Variants in GALNT10 observed in about 807,000 individuals in gnomAD.
The protein encoded by GALNT10 is GalNAc transferase 10.
In GALNT10, 41 loss-of-function variants were observed where a neutral mutation model predicts 75.0. The observed-to-expected ratio is 0.55, with a 90% CI of 0.43 to 0.71. The LOEUF (loss-of-function observed/expected upper bound fraction) is 0.71, where lower values mean the gene tolerates loss of function less well. GALNT10 is among the 30% of genes least tolerant of loss of function. The pLI is 0.00. For missense variants in GALNT10, 727 were observed against 818.5 expected, an observed-to-expected ratio of 0.89 and a Z score of 1.36; for synonymous variants, 302 against 313.0, an observed-to-expected ratio of 0.96 and a Z score of 0.37.
At chr5:154,283,747 C>G (rs1038930532) in intron 1 of GALNT10, among the ~76,000 whole-genome samples, 1 of 152,328 alleles carries the variant, frequency 6.6e-6, no homozygotes, top group East Asian at 1.9e-4. Context: ...CCCTCTCCCC[C>G]TCTTGGGGGA....
At chr5:154,355,514 G>A (rs1456983172) in intron 4 of GALNT10, among the ~76,000 whole-genome samples, 1 of 152,244 alleles carries the variant, frequency 6.6e-6, no homozygotes, top group African/African-American at 2.4e-5. Flanking sequence ...GGAAGGGCCA[G>A]GGCCAGGTCC....
chr5:154,222,889 G>C (rs1009064439), intron 1 of GALNT10, among the ~76,000 whole-genome samples: 2 of 152,050 alleles, frequency 1.3e-5, no homozygotes, highest in African/African-American at 2.4e-5. Context: ...CCAATCTGTG[G>C]CTTGCCTTTT....
intron 1 of GALNT10, among the ~76,000 whole-genome samples, chr5:154,237,781 A>G (rs1332843980): frequency 6.6e-6 from 1 of 152,208 alleles, no homozygotes; most frequent in African/African-American, 2.4e-5. Context: ...TTACAGAGGT[A>G]AAGTGCCATT....
At chr5:154,277,292 A>T (rs1265120503) in intron 1 of GALNT10, among the ~76,000 whole-genome samples, 6 of 151,714 alleles carry the variant, frequency 4.0e-5, no homozygotes, top group Non-Finnish European at 8.8e-5. Flanking sequence ...TCTTTCTAGC[A>T]TACTAGGCTG....
chr5:154,299,002 G>T (rs1373198866), intron 3 of GALNT10, among the ~76,000 whole-genome samples: 1 of 152,188 alleles, frequency 6.6e-6, no homozygotes, highest in Non-Finnish European at 1.5e-5. Context: ...TTTCAGAATT[G>T]CTTCTACATG....
intron 4 of GALNT10, among the ~76,000 whole-genome samples, chr5:154,347,593 C>T (rs1035209424): frequency 1.3e-5 from 2 of 152,044 alleles, no homozygotes; most frequent in African/African-American, 4.8e-5. Context: ...AATTCCTGAG[C>T]CCAAGTGATC....
At chr5:154,399,572 G>A (rs1041226125) in intron 7 of GALNT10, among the ~76,000 whole-genome samples, 1 of 152,220 alleles carries the variant, frequency 6.6e-6, no homozygotes, top group African/African-American at 2.4e-5. Flanking sequence ...TTGTTGCTAG[G>A]ATTACTGGAA....
chr5:154,250,080 C>T (rs1753490231), intron 1 of GALNT10, among the ~76,000 whole-genome samples: 1 of 152,180 alleles, frequency 6.6e-6, no homozygotes, highest in South Asian at 2.1e-4. Flanking sequence ...CATTTTTCTC[C>T]CCGTTCCCGG....
At chr5:154,327,856 A>G (rs1754779702) in intron 3 of GALNT10, among the ~76,000 whole-genome samples, 1 of 152,222 alleles carries the variant, frequency 6.6e-6, no homozygotes. Context: ...ACTGGACACA[A>G]TGTGTCTCCT....
rs70978542 is a variant in GALNT10 at position 154,416,480 on chromosome 5, TACACACACACACACAC to T, written c.1654-311_1654-296del. 4.9e-5 allele frequency among the ~76,000 whole-genome samples: 7 copies of T among 141,932 alleles called. No individual in the cohort carries two copies. The East Asian group carries it at 6.2e-4, about 13-fold the overall frequency. 93.1% of individuals were successfully genotyped at this position (141,932 alleles called of 152,430 possible). On this transcript the variant is annotated intron_variant, in intron 11 of 11. Transcript: ENST00000297107. This position sits in a 1 kb window ranked among gnomAD's most constrained non-coding sequence, Gnocchi z 4.5. ...AAATAAAAGATAAAAGGAAAGCACA[TACACACACACACACAC>T]ACACACACACACACACACACACGAT... is the stretch of plus-strand genomic sequence containing the variant.
chr5:154,299,035 G>A (rs1014341546), intron 3 of GALNT10, among the ~76,000 whole-genome samples: 1 of 152,206 alleles, frequency 6.6e-6, no homozygotes. Context: ...AGTAGCACTG[G>A]AATATAAGTT....
At position 154,396,306 on chromosome 5, in the gene GALNT10, G is replaced by T. The variant is rs138478818; in HGVS notation, c.1057-7798G>T. 6.9e-4 allele frequency among the ~76,000 whole-genome samples: 105 copies of T among 152,350 alleles called. 3 individuals are homozygous for T. Among genetic ancestry groups the T allele is most frequent in the African/African-American group, 2.5e-3 (104 of 41,586 alleles). The stretch of plus-strand genomic sequence containing the variant: ...TCACAAGCCCCCAGGGCAGAAAAGT[G>T]AATGCATTGCGGCCAGTTGTCAGCA... On this transcript the variant is annotated intron_variant, in intron 7 of 11. Transcript: ENST00000297107.
intron 4 of GALNT10, among the ~76,000 whole-genome samples, chr5:154,351,149 A>G (rs773788711): frequency 2.0e-5 from 3 of 152,272 alleles, no homozygotes; most frequent in Admixed American, 2.0e-4. Flanking sequence ...ATGCCAATCA[A>G]TTGATGTGCA....
chr5:154,356,480 A>G (rs544012845), intron 4 of GALNT10, among the ~76,000 whole-genome samples: 2 of 152,368 alleles, frequency 1.3e-5, no homozygotes, highest in African/African-American at 2.4e-5. Context: ...CTGGTGGCCC[A>G]GGAAGCCCTG....
intron 4 of GALNT10, among the ~76,000 whole-genome samples, chr5:154,342,917 C>T (rs1373345567): frequency 6.6e-6 from 1 of 152,204 alleles, no homozygotes; most frequent in Non-Finnish European, 1.5e-5. Context: ...CAGATACACT[C>T]AGCCAACACT....
At chr5:154,233,474 G>GGCTT (rs1459051713) in intron 1 of GALNT10, among the ~76,000 whole-genome samples, 1 of 152,168 alleles carries the variant, frequency 6.6e-6, no homozygotes, top group Non-Finnish European at 1.5e-5. Flanking sequence ...AGGAAAAGTG[G>GGCTT]GCTTCTGCAG....
intron 3 of GALNT10, among the ~76,000 whole-genome samples, chr5:154,313,655 T>C (rs2113098429): frequency 6.6e-6 from 1 of 152,304 alleles, no homozygotes; most frequent in East Asian, 1.9e-4. Flanking sequence ...TGGCACACGT[T>C]GTCAAGTAAT....
At chr5:154,335,458 G>A (rs979332703) in intron 4 of GALNT10, among the ~76,000 whole-genome samples, 5 of 152,164 alleles carry the variant, frequency 3.3e-5, no homozygotes, top group African/African-American at 9.6e-5. Context: ...AATCCAAAGT[G>A]TTGTAGATAT....
intron 3 of GALNT10, among the ~76,000 whole-genome samples, chr5:154,312,719 T>C (rs1754539498): frequency 6.6e-6 from 1 of 152,242 alleles, no homozygotes; most frequent in African/African-American, 2.4e-5. Flanking sequence ...TTTACATTTT[T>C]ATTTCTTCTT....
Sources: allele counts gnomAD v4.1 joint callset (sites outside exome capture counted in the v4.1 genomes callset), GRCh38; gene constraint gnomAD v4.1.1; non-coding constraint Gnocchi (gnomAD v3.1); transcripts MANE v1.5; gene names NCBI Gene and HGNC (gene_info 2026-07-23, HGNC 2026-07-21).